RICTOR: variants seen among roughly 807,000 people sequenced by gnomAD.
The protein encoded by RICTOR is RPTOR independent companion of MTOR complex 2.
A neutral mutation model predicts 214.9 loss-of-function variants in RICTOR; 49 were observed. The observed-to-expected ratio is 0.23, with a 90% CI of 0.18 to 0.29. The LOEUF is 0.29. Ranked by LOEUF, RICTOR falls within the 10% of genes least tolerant of loss-of-function variation. RICTOR has a pLI of 1.00. For missense variants in RICTOR, 1,625 were observed against 2,047.0 expected (o/e 0.79, Z 3.98); for synonymous variants, 717 against 711.3 (o/e 1.01, Z -0.13).
chr5:39,020,558 C>CA (rs1258288648), intron 3 of RICTOR, among the ~76,000 whole-genome samples: 1 of 152,132 alleles, frequency 6.6e-6, no homozygotes, highest in Non-Finnish European at 1.5e-5. Flanking sequence ...AAACATAATG[C>CA]TATTGCACAC....
chr5:38,967,735 G>T (rs1422084181), intron 12 of RICTOR, among the ~76,000 whole-genome samples: 1 of 151,916 alleles, frequency 6.6e-6, no homozygotes, highest in Non-Finnish European at 1.5e-5. Context: ...TAATTTAATT[G>T]CTCTTAGAGC....
chr5:39,048,047 T>G (rs1242227579), intron 2 of RICTOR, among the ~76,000 whole-genome samples: 1 of 152,174 alleles, frequency 6.6e-6, no homozygotes, highest in Non-Finnish European at 1.5e-5. Flanking sequence ...AAAAGACTGG[T>G]CATTTAGGAT....
At chr5:39,004,572 G>A (rs1429367545) in intron 3 of RICTOR, among the ~76,000 whole-genome samples, 4 of 151,284 alleles carry the variant, frequency 2.6e-5, no homozygotes, top group East Asian at 1.9e-4. Context: ...TGATTCTCCC[G>A]CCTCAGCCCT....
intron 7 of RICTOR, 68 bp downstream of exon 7, chr5:38,990,881 T>TATGATAGATAC (rs369110917): frequency 5.5e-6 from 5 of 905,498 alleles, no homozygotes; most frequent in Non-Finnish European, 8.3e-6. Flanking sequence ...ATGATAGATA[T>TATGATAGATAC]ATATATCTCA....
intron 2 of RICTOR, among the ~76,000 whole-genome samples, chr5:39,034,392 T>C (rs1323092610): frequency 6.6e-6 from 1 of 152,218 alleles, no homozygotes; most frequent in Non-Finnish European, 1.5e-5. Context: ...GCATGAGCAA[T>C]GCAGAAGATG....
intron 2 of RICTOR, among the ~76,000 whole-genome samples, chr5:39,039,967 G>A (rs561561251): frequency 6.6e-6 from 1 of 152,134 alleles, no homozygotes; most frequent in East Asian, 1.9e-4. Context: ...CCATTACTGG[G>A]TATATACCCA....
chr5:39,060,835 AGG>A (rs1258192259), intron 2 of RICTOR, among the ~76,000 whole-genome samples: 2 of 151,944 alleles, frequency 1.3e-5, no homozygotes, highest in Non-Finnish European at 2.9e-5. Context: ...AAGACTGCAA[AGG>A]GGTAAGTGCA....
At chr5:39,032,070 G>T (rs1208904481) in intron 2 of RICTOR, among the ~76,000 whole-genome samples, 1 of 152,170 alleles carries the variant, frequency 6.6e-6, no homozygotes, top group Non-Finnish European at 1.5e-5. Flanking sequence ...CCCAAGGATA[G>T]CATCTTCTGA....
intron 2 of RICTOR, among the ~76,000 whole-genome samples, chr5:39,053,797 CAGG>C (rs1758010220): frequency 6.8e-6 from 1 of 147,430 alleles, no homozygotes; most frequent in Non-Finnish European, 1.5e-5. Flanking sequence ...GAGGCTGAGG[CAGG>C]AGAATGGCGT....
intron 3 of RICTOR, among the ~76,000 whole-genome samples, chr5:39,012,847 G>A (rs887045894): frequency 6.6e-6 from 1 of 151,824 alleles, no homozygotes; most frequent in African/African-American, 2.4e-5. Flanking sequence ...TTTTTAATTG[G>A]CTATCAGTCA....
intron 3 of RICTOR, among the ~76,000 whole-genome samples, chr5:39,019,920 G>T (rs1755265840): frequency 6.6e-6 from 1 of 152,162 alleles, no homozygotes; most frequent in Non-Finnish European, 1.5e-5. Flanking sequence ...TTCATGGGAA[G>T]AAATCAAAAT....
intron 6 of RICTOR, 106 bp downstream of exon 6, chr5:38,996,713 T>C (rs1753203373): frequency 1.6e-6 from 1 of 628,406 alleles, no homozygotes; most frequent in African/African-American, 1.9e-5. Flanking sequence ...TTAATAAAAG[T>C]TTAGTCTTTA....
At chr5:38,973,544 A>G (rs1292542449) in intron 10 of RICTOR, among the ~76,000 whole-genome samples, 1 of 152,158 alleles carries the variant, frequency 6.6e-6, no homozygotes, top group African/African-American at 2.4e-5. Flanking sequence ...CATGTTAGGG[A>G]AAACATTCTT....
chr5:38,958,394 C>T (rs777008071), intron 24 of RICTOR, 49 bp downstream of exon 24: 2 of 1,220,958 alleles, frequency 1.6e-6, no homozygotes, highest in Non-Finnish European at 2.4e-6. Flanking sequence ...ATATACACTG[C>T]CAAAGAACAC....
chr5:39,051,898 T>TA (rs1209702455), intron 2 of RICTOR, among the ~76,000 whole-genome samples: 3 of 152,222 alleles, frequency 2.0e-5, no homozygotes, highest in Non-Finnish European at 4.4e-5. Flanking sequence ...GTCACCTACT[T>TA]ATGATGGTTC....
intron 5 of RICTOR, 136 bp from the exon 6 acceptor site, chr5:38,997,018 C>A: frequency 1.6e-6 from 1 of 637,982 alleles, no homozygotes; most frequent in Non-Finnish European, 2.8e-6. Context: ...TTTCTCAGTA[C>A]CAGCATATAT....
chr5:39,039,949 C>G (rs2150167646), intron 2 of RICTOR, among the ~76,000 whole-genome samples: 1 of 152,130 alleles, frequency 6.6e-6, no homozygotes, highest in Middle Eastern at 3.4e-3. Context: ...CCATTTGACC[C>G]AGCCATCCCA....
chr5:38,989,176 T>C (rs900275086), intron 7 of RICTOR, among the ~76,000 whole-genome samples: 3 of 152,054 alleles, frequency 2.0e-5, no homozygotes, highest in South Asian at 2.1e-4. Context: ...CATAGGCCAA[T>C]AGAACAGAAC....
rs753433555 is a variant in RICTOR at position 38,950,287 on chromosome 5, C to G, written c.3561G>C (p.Lys1187Asn). The part of the protein sequence containing the change: ...SIGENDLKFT[K>N]NFGTENHREN... ...CTCTGTGATTCTCTGTACCAAAATT[C>G]TTGGTGAATTTTAAGTCATTTTCTC... is the stretch of plus-strand genomic sequence containing the variant. Residue 1187 changes from lysine (K) to asparagine (N), a missense_variant, in exon 31 of 38, where the codon AAG becomes AAC. Physicochemically the swap from Lys to Asn is moderately conservative, Grantham distance 94. Transcript: ENST00000357387. 1 of 1,613,446 alleles carries G rather than the reference C, an allele frequency of 6.2e-7. No homozygotes were observed. The highest frequency in any genetic ancestry group is 8.5e-7 in the Non-Finnish European group (1 of 1,179,570).
Sources: gnomAD v4.1 joint callset for allele counts (sites outside exome capture counted in the v4.1 genomes callset) on GRCh38, gnomAD v4.1.1 for gene constraint, MANE v1.5 for transcripts, NCBI Gene and HGNC (gene_info 2026-07-23, HGNC 2026-07-21) for gene names.